GLOD4: variants seen among roughly 807,000 people sequenced by gnomAD.
GLOD4 encodes glyoxalase domain containing 4.
In GLOD4, 44 loss-of-function variants were observed where a neutral mutation model predicts 39.1. The ratio of observed to expected loss-of-function variants is 1.13; its 90% CI spans 0.88 to 1.45. GLOD4 has a LOEUF of 1.45. Among genes scored for constraint, GLOD4 ranks in the 40% most tolerant of loss-of-function variants. The probability of loss-of-function intolerance (pLI) is 0.00; values close to 1 mark genes in which losing one functional copy is unlikely to be tolerated. For missense variants in GLOD4, 405 were observed against 366.4 expected (o/e 1.11, Z -0.86); for synonymous variants, 145 against 135.0 (o/e 1.07, Z -0.52).
intron 8 of GLOD4, among the ~76,000 whole-genome samples, chr17:766,809 G>A (rs1906649479): frequency 1.3e-5 from 2 of 152,218 alleles, no homozygotes; most frequent in Non-Finnish European, 2.9e-5. Context: ...CGAGGCAGAA[G>A]AATCGCTTGA....
chr17:778,875 G>A (rs1299275738), intron 1 of GLOD4, 131 bp from the exon 2 acceptor site: 1 of 615,840 alleles, frequency 1.6e-6, no homozygotes, highest in Non-Finnish European at 2.9e-6. Flanking sequence ...AAAAGCAAAT[G>A]AGCTTTACAC....
At chr17:770,648 G>A in intron 5 of GLOD4, 141 bp from the exon 6 acceptor site, 3 of 590,572 alleles carry the variant, frequency 5.1e-6, no homozygotes, top group South Asian at 2.2e-5. Context: ...GAGACAACTA[G>A]TCCACACTTT....
chr17:771,783 T>C (rs1026696304), intron 4 of GLOD4, among the ~76,000 whole-genome samples: 1 of 152,116 alleles, frequency 6.6e-6, no homozygotes, highest in Non-Finnish European at 1.5e-5. Context: ...GGCAAGTGGA[T>C]TACCTGAGGT....
intron 4 of GLOD4, among the ~76,000 whole-genome samples, chr17:774,229 T>A (rs1003932678): frequency 6.6e-6 from 1 of 152,148 alleles, no homozygotes; most frequent in African/African-American, 2.4e-5. Flanking sequence ...AGACGGATCT[T>A]TCTTTTGCTG....
At chr17:782,001 A>G (rs758182235) in intron 1 of GLOD4, 165 bp downstream of exon 1, 10 of 597,700 alleles carry the variant, frequency 1.7e-5, no homozygotes, top group Non-Finnish European at 3.0e-5. Flanking sequence ...ATGATCCCCA[A>G]CGGCAACTCG....
At chr17:765,963 A>C (rs1484215629) in intron 8 of GLOD4, among the ~76,000 whole-genome samples, 1 of 151,612 alleles carries the variant, frequency 6.6e-6, no homozygotes, top group Non-Finnish European at 1.5e-5. Flanking sequence ...ACTCAAAAAA[A>C]AGAAAAATGG....
chr17:783,107 C>T (rs1195516919), upstream of GLOD4: 2 of 1,613,474 alleles, frequency 1.2e-6, no homozygotes. Flanking sequence ...TAGTAAAGTC[C>T]AGGCCATTTC....
At chr17:784,005 C>G (rs549497723), upstream of GLOD4, among the ~76,000 whole-genome samples, 3 of 152,302 alleles carry the variant, frequency 2.0e-5, no homozygotes, top group South Asian at 6.2e-4. Flanking sequence ...AGAAGCAGAT[C>G]TAAGAAGCGA....
At chr17:782,369 C>A, upstream of GLOD4, 1 of 1,613,524 alleles carries the variant, frequency 6.2e-7, no homozygotes, top group South Asian at 1.1e-5. Context: ...CAGCCCGGGT[C>A]TCAGGGAACA....
chr17:781,616 C>T (rs1200826192), intron 1 of GLOD4, among the ~76,000 whole-genome samples: 1 of 152,128 alleles, frequency 6.6e-6, no homozygotes, highest in African/African-American at 2.4e-5. Context: ...AACCCAGTTC[C>T]CCAACCAACT....
At position 771,357 on chromosome 17, in the gene GLOD4, G is replaced by A. The variant is rs1217762889; in HGVS notation, c.511C>T (p.Gln171Ter). ...TCAGCATAGCCCAGCAAAGCCCTTT[G>A]CTTTTCTTCATCTTTTTCATAAATT... ...MKIYEKDEEK[Q>*]RALLGYADNQ... The change falls in exon 5 of 9, where the codon CAA becomes TAA. Residue 171 changes from glutamine to a stop codon, truncating the protein, a stop_gained. Coordinates refer to ENST00000301329, the MANE Select transcript of GLOD4 (RefSeq NM_016080.4). LOFTEE classifies it high-confidence loss of function. 3.7e-6 allele frequency: 6 copies of A among 1,603,636 alleles called. No individual in the cohort carries two copies. The highest frequency in any genetic ancestry group is 5.1e-6 in the Non-Finnish European group (6 of 1,173,268).
intron 5 of GLOD4, 95 bp downstream of exon 5, chr17:771,230 T>C: frequency 1.4e-6 from 1 of 717,392 alleles, no homozygotes; most frequent in East Asian, 2.7e-5. Context: ...ACAACCTTCA[T>C]GTTAACTTCA....
At chr17:780,159 G>A (rs1464437397) in intron 1 of GLOD4, among the ~76,000 whole-genome samples, 1 of 151,810 alleles carries the variant, frequency 6.6e-6, no homozygotes, top group African/African-American at 2.4e-5. Context: ...GCGAGACTCC[G>A]TCTCAACATA....
chr17:768,736 AGC>A (rs1907279266), intron 8 of GLOD4, among the ~76,000 whole-genome samples: 1 of 107,432 alleles, frequency 9.3e-6, no homozygotes. Context: ...AGAGAGAAAC[AGC>A]GCGCACTCAG....
In GLOD4 at chr17:770,170, A is replaced by G. The variant is rs1456624217; in HGVS notation, c.631-13T>C. The G allele has an allele frequency of 1.4e-6, 2 of 1,476,664 alleles. No individual in the cohort carries two copies. The allele number at this position is 1,476,664 out of a possible 1,614,324, so 91.5% of individuals were successfully genotyped here. A position where few individuals can be genotyped will look rare whatever the true frequency, so the allele number is the denominator to read the frequency against. On this transcript the variant is annotated splice_polypyrimidine_tract_variant and intron_variant, in intron 6 of 8. Coordinates refer to ENST00000301329, the MANE Select transcript of GLOD4 (RefSeq NM_016080.4). Reference sequence around the variant, plus strand: ...CTAAGTCTGGCAACTTGAGGAAAACAGAGGCAACGTGAGCCAGGGGTCACA... The same window carrying G: ...CTAAGTCTGGCAACTTGAGGAAAACGGAGGCAACGTGAGCCAGGGGTCACA...
At chr17:768,877 G>A (rs1168874205) in intron 8 of GLOD4, among the ~76,000 whole-genome samples, 6 of 149,960 alleles carry the variant, frequency 4.0e-5, no homozygotes, top group East Asian at 4.0e-4. Context: ...GAAGAAATCT[G>A]GAGAGGATGT....
intron 3 of GLOD4, among the ~76,000 whole-genome samples, chr17:776,423 C>T (rs998584002): frequency 6.6e-6 from 1 of 152,184 alleles, no homozygotes; most frequent in African/African-American, 2.4e-5. Flanking sequence ...AATCCATTAC[C>T]CACTCTGCAG....
upstream of GLOD4, chr17:783,532 T>C: frequency 2.2e-6 from 1 of 448,588 alleles, no homozygotes; most frequent in Non-Finnish European, 4.0e-6. Flanking sequence ...AGGTGGGGTT[T>C]CACCATGTTG....
At chr17:777,700 T>C (rs979996262) in intron 2 of GLOD4, 1 of 152,220 alleles carries the variant, frequency 6.6e-6, no homozygotes, top group African/African-American at 2.4e-5. Flanking sequence ...TTATTTGCAT[T>C]TGTGGCATAA....
Sources: allele counts gnomAD v4.1 joint callset (sites outside exome capture counted in the v4.1 genomes callset), GRCh38; gene constraint gnomAD v4.1.1; transcripts MANE v1.5; gene names NCBI Gene and HGNC (gene_info 2026-07-23, HGNC 2026-07-21).